HCN1: variants seen among roughly 807,000 people sequenced by gnomAD.
HCN1 encodes the protein hyperpolarization activated cyclic nucleotide gated potassium channel 1.
Under a neutral mutation model 78.9 loss-of-function variants are expected in HCN1, and 13 were observed. The ratio of observed to expected loss-of-function variants is 0.16; its 90% confidence interval spans 0.11 to 0.26. The LOEUF is 0.26. Ranked by LOEUF, HCN1 falls within the 10% of genes least tolerant of loss-of-function variation. The pLI is 1.00. For synonymous variants in HCN1, 552 were observed against 455.5 expected (o/e 1.21, Z -2.70); for missense variants, 810 against 1,154.3 (o/e 0.70, Z 4.32).
At chr5:45,268,632 G>A (rs1744904692) in intron 6 of HCN1, among the ~76,000 whole-genome samples, 1 of 152,140 alleles carries the variant, frequency 6.6e-6, no homozygotes, top group Non-Finnish European at 1.5e-5. Context: ...AGAAGGACAC[G>A]TGAACCAGTC....
chr5:45,462,964 T>A (rs771558288), intron 2 of HCN1, among the ~76,000 whole-genome samples: 1 of 152,030 alleles, frequency 6.6e-6, no homozygotes, highest in Non-Finnish European at 1.5e-5. Flanking sequence ...CAGACCTACA[T>A]TGTAGAACTA....
At position 45,569,025 on chromosome 5, in the gene HCN1, G is replaced by T. The variant is rs143264739; in HGVS notation, c.849+76160C>A. 1.7e-3 allele frequency among the ~76,000 whole-genome samples: 265 copies of T among 152,038 alleles called. 1 individual carries two copies. The highest frequency in any genetic ancestry group is 6.1e-3 in the African/African-American group (254 of 41,462). On this transcript the variant is annotated intron_variant, in intron 2 of 7. Transcript: ENST00000303230. ...CTGACAGTCTCCTTCCCACTCCCCT[G>T]GAGATCCTTTTATGACTGGTGTCCT...
At chr5:45,373,235 A>C (rs1380276379) in intron 4 of HCN1, among the ~76,000 whole-genome samples, 1 of 120,900 alleles carries the variant, frequency 8.3e-6, no homozygotes, top group Non-Finnish European at 1.6e-5. Context: ...TATATTTTAC[A>C]TTATATATAA....
chr5:45,549,262 G>T (rs947791951), intron 2 of HCN1, among the ~76,000 whole-genome samples: 5 of 152,130 alleles, frequency 3.3e-5, no homozygotes, highest in African/African-American at 1.2e-4. Context: ...CAAGGCTACA[G>T]TAACCAAAAC....
At chr5:45,644,276 A>C (rs1256915597) in intron 2 of HCN1, 5 of 152,220 alleles carry the variant, frequency 3.3e-5, no homozygotes, top group African/African-American at 9.6e-5. Flanking sequence ...GCATTCTACA[A>C]GTCTTTTGGA....
At chr5:45,524,037 A>C (rs560224622) in intron 2 of HCN1, among the ~76,000 whole-genome samples, 13 of 152,064 alleles carry the variant, frequency 8.5e-5, no homozygotes, top group Non-Finnish European at 1.9e-4. Flanking sequence ...TAATTTTTGT[A>C]TAAGGTGTAA....
chr5:45,357,086 A>C (rs1215506974), intron 4 of HCN1, among the ~76,000 whole-genome samples: 1 of 151,882 alleles, frequency 6.6e-6, no homozygotes, highest in Non-Finnish European at 1.5e-5. Flanking sequence ...TTTTTTCTTC[A>C]AAGATTTTCC....
chr5:45,262,952 C>T, intron 7 of HCN1, 142 bp from the exon 8 acceptor site: 1 of 814,250 alleles, frequency 1.2e-6, no homozygotes, highest in Admixed American at 2.2e-5. Flanking sequence ...CTTTACACAC[C>T]AAATACCAAT....
At chr5:45,689,713 T>C (rs1182105251) in intron 1 of HCN1, among the ~76,000 whole-genome samples, 1 of 152,104 alleles carries the variant, frequency 6.6e-6, no homozygotes, top group East Asian at 1.9e-4. Context: ...GCTGAAATTA[T>C]GCAGGGTCTT....
At position 45,561,332 on chromosome 5, in the gene HCN1, T is replaced by C. The variant is rs76844118; in HGVS notation, c.849+83853A>G. 2.6e-4 allele frequency among the ~76,000 whole-genome samples: 39 copies of C among 152,180 alleles called. 1 individual carries two copies. In the East Asian group the frequency reaches 6.4e-3, roughly 25 times the overall value. ...ATTTTTTGGCATATTATTTATTGAA[T>C]AATTTGATTAAAATTTCCAATTCAT... On this transcript the variant is annotated intron_variant, in intron 2 of 7. Transcript: ENST00000303230.
intron 3 of HCN1, among the ~76,000 whole-genome samples, chr5:45,425,144 G>C (rs1301005398): frequency 6.6e-6 from 1 of 152,170 alleles, no homozygotes; most frequent in Non-Finnish European, 1.5e-5. Flanking sequence ...TTTTAAACTA[G>C]TCCCTATTGC....
intron 2 of HCN1, among the ~76,000 whole-genome samples, chr5:45,562,724 G>C (rs1195332606): frequency 6.6e-6 from 1 of 152,030 alleles, no homozygotes; most frequent in Non-Finnish European, 1.5e-5. Context: ...ACTAAAACCA[G>C]AATTGCCACT....
chr5:45,329,272 T>C (rs899007809), intron 5 of HCN1, among the ~76,000 whole-genome samples: 15 of 151,556 alleles, frequency 9.9e-5, no homozygotes, highest in African/African-American at 3.1e-4. Flanking sequence ...TTCCTCCCCT[T>C]CCCCAGCCCC....
At chr5:45,362,388 C>CA (rs1035696124) in intron 4 of HCN1, among the ~76,000 whole-genome samples, 2 of 151,936 alleles carry the variant, frequency 1.3e-5, no homozygotes, top group African/African-American at 4.8e-5. Context: ...CATAGAATTT[C>CA]AAAAAGAAAT....
chr5:45,505,331 T>C (rs112415951), intron 2 of HCN1, among the ~76,000 whole-genome samples: 1 of 152,220 alleles, frequency 6.6e-6, no homozygotes. Context: ...GCTAGCCAGT[T>C]TTCCCAGCAC....
intron 4 of HCN1, among the ~76,000 whole-genome samples, chr5:45,380,051 C>T (rs1294490719): frequency 1.3e-5 from 2 of 151,970 alleles, no homozygotes; most frequent in Admixed American, 1.3e-4. Context: ...TGTCTTAGTC[C>T]ATTCATGCTT....
At chr5:45,328,329 T>A (rs914680679) in intron 5 of HCN1, among the ~76,000 whole-genome samples, 1 of 151,570 alleles carries the variant, frequency 6.6e-6, no homozygotes, top group Non-Finnish European at 1.5e-5. Context: ...TCTCAGCATA[T>A]AATTTTTTTC....
chr5:45,479,490 G>C (rs1377041720), intron 2 of HCN1, among the ~76,000 whole-genome samples: 2 of 152,146 alleles, frequency 1.3e-5, no homozygotes, highest in African/African-American at 4.8e-5. Context: ...AATTGTTGTT[G>C]GAATAGTTCA....
intron 2 of HCN1, chr5:45,642,445 T>C (rs1175836650): frequency 6.6e-6 from 1 of 151,412 alleles, no homozygotes; most frequent in Non-Finnish European, 1.5e-5. Context: ...GTTGAACTAA[T>C]TCAGTCCAGA....
Sources: gnomAD v4.1 joint callset for allele counts (sites outside exome capture counted in the v4.1 genomes callset) on GRCh38, gnomAD v4.1.1 for gene constraint, MANE v1.5 for transcripts, NCBI Gene and HGNC (gene_info 2026-07-23, HGNC 2026-07-21) for gene names.